FBN2: variants seen among roughly 807,000 people sequenced by gnomAD.
The protein encoded by FBN2 is fibrillin-2.
FBN2 carries 105 observed loss-of-function variants against 355.6 expected under a neutral mutation model. That is an observed-to-expected ratio of 0.30 (90% CI 0.25 to 0.35). FBN2 has a LOEUF of 0.35. Ranked by LOEUF, FBN2 falls within the 10% of genes least tolerant of loss-of-function variation. The probability of loss-of-function intolerance (pLI) is 1.00; values close to 1 mark genes in which losing one functional copy is unlikely to be tolerated. For synonymous variants in FBN2, 1,350 were observed against 1,301.2 expected, an observed-to-expected ratio of 1.04 and a Z score of -0.81; for missense variants, 3,280 against 3,758.7, an observed-to-expected ratio of 0.87 and a Z score of 3.33.
intron 5 of FBN2, among the ~76,000 whole-genome samples, chr5:128,492,691 T>A (rs1346229353): frequency 1.3e-5 from 2 of 150,346 alleles, no homozygotes; most frequent in Non-Finnish European, 2.9e-5. Flanking sequence ...TAATCCCAGC[T>A]ACTCGGGAGG....
chr5:128,295,132 G>A (rs1344483472), intron 48 of FBN2, among the ~76,000 whole-genome samples: 2 of 147,800 alleles, frequency 1.4e-5, no homozygotes, highest in African/African-American at 2.5e-5. Context: ...GTTTGTCAAA[G>A]ATCAGATAGT....
chr5:128,291,029 A>G (rs1435046351), intron 49 of FBN2, 145 bp from the exon 50 acceptor site: 4 of 668,458 alleles, frequency 6.0e-6, no homozygotes, highest in Non-Finnish European at 1.0e-5. Flanking sequence ...TCATTTGCCA[A>G]TTTAGACTGA....
At chr5:128,335,647 A>G in intron 28 of FBN2, 70 bp from the exon 29 acceptor site, 1 of 1,571,898 alleles carries the variant, frequency 6.4e-7, no homozygotes, top group Non-Finnish European at 8.8e-7. Flanking sequence ...CTTTTTAAAC[A>G]GATAATGCTA....
intron 11 of FBN2, 109 bp from the exon 12 acceptor site, chr5:128,378,999 A>G (rs750427876): frequency 1.5e-4 from 181 of 1,170,810 alleles, no homozygotes; most frequent in Middle Eastern, 2.5e-4. Flanking sequence ...CAGTGGTAAT[A>G]GTCTAAATAG....
chr5:128,330,542 C>CGT, intron 33 of FBN2, 31 bp downstream of exon 33: 1 of 1,612,534 alleles, frequency 6.2e-7, no homozygotes, highest in Non-Finnish European at 8.5e-7. Context: ...ATGACCATCC[C>CGT]GTCAGAGCAC....
intron 23 of FBN2, 142 bp from the exon 24 acceptor site, chr5:128,345,726 G>A (rs1751163520): frequency 2.8e-6 from 2 of 720,586 alleles, no homozygotes; most frequent in Non-Finnish European, 4.9e-6. Context: ...CTGACCTCCT[G>A]GAATGGACTC....
At position 128,301,041 on chromosome 5, in the gene FBN2, T is replaced by C. The variant is rs1219730200; in HGVS notation, c.6047-105A>G. On this transcript the variant is annotated intron_variant, in intron 47 of 64. Coordinates refer to ENST00000262464, the MANE Select transcript of FBN2 (RefSeq NM_001999.4). ...TAACATGAATTCAACTCGGGTCCTC[T>C]GATCTACTGGGTCACCATGAACAAA... 5.6e-5 allele frequency: 57 copies of C among 1,024,142 alleles called. 2 individuals are homozygous for C. The South Asian group carries it at 7.3e-4, about 13-fold the overall frequency. The allele number at this position is 1,024,142 out of a possible 1,614,324, so 63.4% of individuals were successfully genotyped here.
At chr5:128,480,869 C>G (rs559313218) in intron 5 of FBN2, among the ~76,000 whole-genome samples, 1 of 150,144 alleles carries the variant, frequency 6.7e-6, no homozygotes, top group Non-Finnish European at 1.5e-5. Context: ...AGTGATATCG[C>G]AAGACTAAAG....
chr5:128,280,570 TATAGAATTGAAAATTGGCCTCCAAAAGGA>T (rs1476465342), intron 55 of FBN2, among the ~76,000 whole-genome samples: 1 of 152,204 alleles, frequency 6.6e-6, no homozygotes, highest in Non-Finnish European at 1.5e-5. Context: ...AGTGTTAATA[TATAGAATTGAAAATTGGCCTCCAAAAGGA>T]ATAGAATTGC....
At chr5:128,488,729 C>A (rs1755416200) in intron 5 of FBN2, among the ~76,000 whole-genome samples, 1 of 149,222 alleles carries the variant, frequency 6.7e-6, no homozygotes, top group African/African-American at 2.5e-5. Flanking sequence ...TAATTCCCAT[C>A]TATGAGTGAG....
chr5:128,537,609 GCGCCGAAAGCGCGCGGC>G lies in FBN2; in HGVS notation c.-23_-7del. 6.2e-7 allele frequency: 1 copy of G among 1,606,102 alleles called. No homozygotes were observed. Among genetic ancestry groups the G allele is most frequent in the East Asian group, 2.2e-5 (1 of 44,650 alleles). Reference sequence around the variant, plus strand: ...AGCCTCCGTCTTCTCCCCATCGCCGGCGCCGAAAGCGCGCGGCCGTAGACCCGCGGAGAGGGAGTGAT... The same window carrying G: ...AGCCTCCGTCTTCTCCCCATCGCCGGCGTAGACCCGCGGAGAGGGAGTGAT... On this transcript the variant is annotated 5_prime_UTR_variant, in exon 1 of 65. Transcript: ENST00000262464.
At chr5:128,477,317 A>T (rs1276266159) in intron 5 of FBN2, among the ~76,000 whole-genome samples, 3 of 152,136 alleles carry the variant, frequency 2.0e-5, no homozygotes, top group African/African-American at 7.2e-5. Flanking sequence ...TCCCAGTACC[A>T]CAGAGAAATG....
chr5:128,518,149 C>A (rs963666867), intron 5 of FBN2, among the ~76,000 whole-genome samples: 4 of 152,154 alleles, frequency 2.6e-5, no homozygotes, highest in Admixed American at 1.3e-4. Flanking sequence ...AGGGAGCCAG[C>A]AAACTTGAGC....
At chr5:128,474,348 T>A (rs1192501379) in intron 5 of FBN2, among the ~76,000 whole-genome samples, 56 of 152,296 alleles carry the variant, frequency 3.7e-4, no homozygotes, top group Non-Finnish European at 1.3e-4. Flanking sequence ...AGATGGATCA[T>A]AAGCAAGTCA....
intron 5 of FBN2, among the ~76,000 whole-genome samples, chr5:128,505,831 G>A (rs779532786): frequency 6.6e-6 from 1 of 151,940 alleles, no homozygotes; most frequent in Non-Finnish European, 1.5e-5. Context: ...TAAATATTCC[G>A]TTGTATGCAC....
chr5:128,269,891 A>C (rs1027266447), intron 62 of FBN2, among the ~76,000 whole-genome samples: 22 of 152,190 alleles, frequency 1.4e-4, no homozygotes, highest in Non-Finnish European at 2.1e-4. Context: ...AGCCAAGATA[A>C]TCCTAAGCAA....
chr5:128,374,808 G>C, intron 14 of FBN2, 58 bp from the exon 15 acceptor site: 1 of 1,598,584 alleles, frequency 6.3e-7, no homozygotes, highest in South Asian at 1.1e-5. Flanking sequence ...GTTATTACAG[G>C]GTTTACTTGC....
intron 36 of FBN2, among the ~76,000 whole-genome samples, chr5:128,313,304 A>G (rs1033059369): frequency 3.9e-5 from 6 of 152,136 alleles, no homozygotes; most frequent in Non-Finnish European, 8.8e-5. Flanking sequence ...TATGGGTTTA[A>G]ATACTACTTT....
At chr5:128,507,190 CT>C (rs1052910377) in intron 5 of FBN2, among the ~76,000 whole-genome samples, 16 of 151,978 alleles carry the variant, frequency 1.1e-4, no homozygotes, top group Admixed American at 9.8e-4. Context: ...ACCAGTAAAG[CT>C]TTTTGGGCCA....
Sources: allele counts gnomAD v4.1 joint callset (sites outside exome capture counted in the v4.1 genomes callset), GRCh38; gene constraint gnomAD v4.1.1; transcripts MANE v1.5; gene names NCBI Gene and HGNC (gene_info 2026-07-23, HGNC 2026-07-21).